Variants in SRRM2 observed in about 807,000 individuals in gnomAD.
SRRM2 encodes the protein serine/arginine repetitive matrix protein 2.
SRRM2 carries 30 observed loss-of-function variants against 213.8 expected under a neutral mutation model. The ratio of observed to expected loss-of-function variants is 0.14; its 90% CI spans 0.10 to 0.19. The LOEUF (loss-of-function observed/expected upper bound fraction) is 0.19, where lower values mean the gene tolerates loss of function less well. SRRM2 is among the 10% of genes least tolerant of loss of function. The pLI is 1.00. For missense variants in SRRM2, 4,904 were observed against 3,647.0 expected, an observed-to-expected ratio of 1.34 and a Z score of -8.88; for synonymous variants, 2,025 against 1,377.7, an observed-to-expected ratio of 1.47 and a Z score of -10.40.
intron 1 of SRRM2, among the ~76,000 whole-genome samples, 166 bp downstream of exon 1, chr16:2,753,012 C>CCGTTCCTGT (rs1378370285): frequency 1.3e-5 from 2 of 149,748 alleles, no homozygotes; most frequent in African/African-American, 4.9e-5. Flanking sequence ...CCCCTTCCCG[C>CCGTTCCTGT]CGTTCCTGTC....
In SRRM2 at chr16:2,766,251, G is replaced by T. The variant is rs1567239444; in HGVS notation, c.5723G>T (p.Arg1908Leu). The part of the protein sequence containing the change: ...RRSRSRTSVT[R>L]RRSRSRASPV... The stretch of plus-strand genomic sequence containing the variant: ...TCAAGGTCCAGGACTTCAGTGACTC[G>T]ACGAAGATCCCGGTCAAGAGCATCC... Residue 1908 changes from arginine to leucine, a missense_variant, in exon 11 of 15, where the codon CGA becomes CTA. Transcript: ENST00000301740. The surrounding 1 kb of genome is among the most constrained non-coding windows in gnomAD (Gnocchi z 7.0). 1.2e-6 allele frequency: 2 copies of T among 1,614,146 alleles called. No individual in the cohort carries two copies. The highest frequency in any genetic ancestry group is 1.3e-5 in the African/African-American group (1 of 75,024).
At chr16:2,759,080 A>G in intron 6 of SRRM2, 33 bp downstream of exon 6, 1 of 1,614,204 alleles carries the variant, frequency 6.2e-7, no homozygotes, top group South Asian at 1.1e-5. Flanking sequence ...TGACTGGAGA[A>G]GGTTTGCTGA....
In SRRM2 at chr16:2,757,871, T is replaced by C. The variant is rs2068201937; in HGVS notation, c.441T>C (p.Asp147=). 1.2e-6 allele frequency: 2 copies of C among 1,614,218 alleles called. No individual in the cohort carries two copies. Among genetic ancestry groups the C allele is most frequent in the Non-Finnish European group, 1.7e-6 (2 of 1,180,036 alleles). ...AAFGISDSYV[D]GSSFDPQRRA... is the part of the protein sequence containing the mutation. ...TTGGCATCAGTGATTCTTACGTAGA[T>C]GGCAGCTCTTTTGATCCTCAGCGTC... The change falls in exon 4 of 15, where the codon GAT becomes GAC. Residue 147 remains aspartate (D), a synonymous_variant. Transcript: ENST00000301740.
Position 2,770,621 on chromosome 16 carries a change from G to C in SRRM2, c.8153G>C (p.Gly2718Ala). ...RDQQSSSSER[G>A]SRRGQRGDSR... ...TGTTGCAGCAGCAGCAGTGAGCGGGGTTCCCGGAGAGGCCAGCGTGGGGAC... is the reference window on the plus strand; with the variant it reads ...TGTTGCAGCAGCAGCAGTGAGCGGGCTTCCCGGAGAGGCCAGCGTGGGGAC... The change falls in exon 14 of 15, where the codon GGT becomes GCT. Residue 2718 changes from glycine to alanine, a missense_variant. Coordinates refer to ENST00000301740, the MANE Select transcript of SRRM2 (RefSeq NM_016333.4). 2 of 1,552,936 alleles carry C rather than the reference G, an allele frequency of 1.3e-6. No homozygotes were observed. The highest frequency in any genetic ancestry group is 1.7e-6 in the Non-Finnish European group (2 of 1,147,932).
chr16:2,766,046 G>A lies in SRRM2; in HGVS notation c.5518G>A (p.Gly1840Ser). The A allele has an allele frequency of 6.2e-7, 1 of 1,614,172 alleles. No homozygotes were observed. The highest frequency in any genetic ancestry group is 2.2e-5 in the East Asian group (1 of 44,878). Residue 1840 changes from glycine (G) to serine (S), a missense_variant, in exon 11 of 15, where the codon GGC (glycine) becomes AGC (serine). Gly to Ser is a moderately conservative substitution (Grantham distance 56). Coordinates refer to ENST00000301740, the MANE Select transcript of SRRM2 (RefSeq NM_016333.4). This position sits in a 1 kb window ranked among gnomAD's most constrained non-coding sequence, Gnocchi z 7.0. ...SSRTSSRRRRGRSRTPPTSRK... is the reference protein window; with the variant it reads ...SSRTSSRRRRSRSRTPPTSRK... ...CCGGACCTCCTCTCGACGCCGAAGA[G>A]GCCGCTCTCGGACACCCCCAACCAG...
Position 2,756,548 on chromosome 16 carries a change from CGCAA to C in SRRM2, c.187_190del (p.Lys63GlyfsTer13). 6.2e-7 allele frequency: 1 copy of C among 1,614,038 alleles called. No homozygotes were observed. Among genetic ancestry groups the C allele is most frequent in the Non-Finnish European group, 8.5e-7 (1 of 1,179,988 alleles). ...TAATCCTGACATCCTGGACCACGAGCGCAAGCGGCGCGTCGAGCTGCGATGCCTC... is the reference window on the plus strand; with the variant it reads ...TAATCCTGACATCCTGGACCACGAGCGCGGCGCGTCGAGCTGCGATGCCTC... On this transcript the variant is annotated frameshift_variant, in exon 2 of 15. Coordinates refer to ENST00000301740, the MANE Select transcript of SRRM2 (RefSeq NM_016333.4). LOFTEE classifies it high-confidence loss of function.
Position 2,766,236 on chromosome 16 carries a change from G to A in SRRM2, c.5708G>A (p.Arg1903Lys), listed in dbSNP as rs988212712. 3 of 1,614,074 alleles carry A rather than the reference G, an allele frequency of 1.9e-6. No homozygotes were observed. The African/African-American group carries it at 4.0e-5, about 22-fold the overall frequency. Reference sequence around the variant, plus strand: ...GTCAGCCGGAGACGGTCAAGGTCCAGGACTTCAGTGACTCGACGAAGATCC... The same window carrying A: ...GTCAGCCGGAGACGGTCAAGGTCCAAGACTTCAGTGACTCGACGAAGATCC... ...SPVSRRRSRSRTSVTRRRSRS... is the reference protein window; with the variant it reads ...SPVSRRRSRSKTSVTRRRSRS... The change falls in exon 11 of 15, where the codon AGG becomes AAG. Residue 1903 changes from arginine to lysine, a missense_variant. Physicochemically the swap from Arg to Lys is conservative, Grantham distance 26. Transcript: ENST00000301740. The surrounding 1 kb of genome is among the most constrained non-coding windows in gnomAD (Gnocchi z 7.0).
At chr16:2,769,400 G>T (rs891433324) in intron 12 of SRRM2, 116 bp downstream of exon 12, 1 of 1,238,878 alleles carries the variant, frequency 8.1e-7, no homozygotes, top group African/African-American at 1.5e-5. Context: ...GCATCTGGTT[G>T]TGGGGGAGGA....
chr16:2,758,318 C>T, intron 4 of SRRM2, 152 bp from the exon 5 acceptor site: 1 of 727,266 alleles, frequency 1.4e-6, no homozygotes, highest in Non-Finnish European at 2.3e-6. Context: ...ACGGTGTGAG[C>T]TGTGTTGCTG....
At position 2,764,720 on chromosome 16, in the gene SRRM2, T is replaced by A. The variant is rs1567235039; in HGVS notation, c.4192T>A (p.Ser1398Thr). ...PDAVEKAGMS[S>T]NQSISSPVLD... ...TGCAGTGGAAAAGGCAGGGATGTCTTCAAATCAGAGCATCTCTTCACCTGT... is the reference window on the plus strand; with the variant it reads ...TGCAGTGGAAAAGGCAGGGATGTCTACAAATCAGAGCATCTCTTCACCTGT... Residue 1398 changes from serine to threonine, a missense_variant, in exon 11 of 15, where the codon TCA (serine) becomes ACA (threonine). Transcript: ENST00000301740. The A allele has an allele frequency of 6.2e-7, 1 of 1,614,000 alleles. No homozygotes were observed. The highest frequency in any genetic ancestry group is 8.5e-7 in the Non-Finnish European group (1 of 1,180,032).
Position 2,759,058 on chromosome 16 carries a change from G to A in SRRM2, c.656+11G>A. 1 of 1,614,168 alleles carries A rather than the reference G, an allele frequency of 6.2e-7. No individual in the cohort carries two copies. Among genetic ancestry groups the A allele is most frequent in the Admixed American group, 1.7e-5 (1 of 60,026 alleles). On this transcript the variant is annotated intron_variant, in intron 6 of 14. Transcript: ENST00000301740. ...GAAGAAGAAGCACAGGTATGAGGTG[G>A]GAATACTTGAATGACTGGAGAAGGT...
At position 2,758,710 on chromosome 16, in the gene SRRM2, C is replaced by T. The variant is rs889969501; in HGVS notation, c.593+163C>T. The T allele has an allele frequency of 8.3e-5, 58 of 700,214 alleles. No homozygotes were observed. In the Middle Eastern group the frequency reaches 8.4e-4, roughly 10 times the overall value. 43.4% of individuals were successfully genotyped at this position (700,214 alleles called of 1,614,324 possible). On this transcript the variant is annotated intron_variant, in intron 5 of 14. Coordinates refer to ENST00000301740, the MANE Select transcript of SRRM2 (RefSeq NM_016333.4). ...AACTAGAAGAAATACCTGAGTTTCT[C>T]AGTGGGGAAGTGTTGAGTTTGCAGT... is the stretch of plus-strand genomic sequence containing the variant.
At chr16:2,758,885 C>T (rs1452796875) in intron 5 of SRRM2, 100 bp from the exon 6 acceptor site, 1 of 1,308,228 alleles carries the variant, frequency 7.6e-7, no homozygotes, top group African/African-American at 1.5e-5. Context: ...GCTATTAGGA[C>T]ATTCAAGTGT....
intron 10 of SRRM2, chr16:2,760,747 G>C (rs1179071952): frequency 2.1e-6 from 1 of 474,848 alleles, no homozygotes; most frequent in African/African-American, 2.0e-5. Context: ...TTTATACATA[G>C]ATAGAACTGG....
At chr16:2,758,398 CTCTG>C (rs1397920588) in intron 4 of SRRM2, 68 bp from the exon 5 acceptor site, 16 of 1,306,208 alleles carry the variant, frequency 1.2e-5, no homozygotes, top group Non-Finnish European at 1.8e-5. Flanking sequence ...TTTTTTTAGA[CTCTG>C]TCTTTTAAAG....
rs779669829 is a variant in SRRM2 at position 2,761,800 on chromosome 16, C to T, written c.1272C>T (p.Ser424=). The change falls in exon 11 of 15, where the codon TCC becomes TCT. Residue 424 remains serine, a synonymous_variant. Coordinates refer to ENST00000301740, the MANE Select transcript of SRRM2 (RefSeq NM_016333.4). ...CTTCCTCAGAGAGCAGCCCACCATC[C>T]CCTCAACCTACCAAAGTTTCTCGGC... ...QSSSSESSPP[S]PQPTKVSRHA... 1.1e-5 allele frequency: 18 copies of T among 1,613,926 alleles called. No homozygotes were observed. The South Asian group carries it at 1.2e-4, about 11-fold the overall frequency.
chr16:2,768,890 C>T (rs772510394), intron 11 of SRRM2, 107 bp from the exon 12 acceptor site: 72 of 1,555,000 alleles, frequency 4.6e-5, no homozygotes, highest in Admixed American at 7.8e-5. Flanking sequence ...GAGCTCCCAG[C>T]GCCTTTCTCA....
rs754083305 is a variant in SRRM2 at position 2,766,640 on chromosome 16, C to T, written c.6112C>T (p.Pro2038Ser). The change falls in exon 11 of 15, where the codon CCA (proline) becomes TCA (serine). Residue 2038 changes from proline (P) to serine (S), a missense_variant. Transcript: ENST00000301740. The surrounding 1 kb of genome is among the most constrained non-coding windows in gnomAD (Gnocchi z 7.0). ...RRSRSRTPLLPRKRSRSRSPL... is the reference protein window; with the variant it reads ...RRSRSRTPLLSRKRSRSRSPL... ...CTCTAGATCTCGAACGCCACTGTTA[C>T]CACGCAAACGTTCTCGAAGTCGCTC... The T allele has an allele frequency of 5.0e-6, 8 of 1,613,510 alleles. No individual in the cohort carries two copies. The Admixed American group carries it at 8.3e-5, about 17-fold the overall frequency.
chr16:2,764,115 C>T lies in SRRM2; in HGVS notation c.3587C>T (p.Pro1196Leu), dbSNP rs771987077. Reference protein sequence around the residue: ...KFSPFPVQDRPESSLVFKDTL... With the variant: ...KFSPFPVQDRLESSLVFKDTL... The stretch of plus-strand genomic sequence containing the variant: ...AGTCCCTTTCCAGTACAGGATAGGC[C>T]TGAGTCTTCACTGGTATTCAAAGAC... Residue 1196 changes from proline (P) to leucine (L), a missense_variant, in exon 11 of 15, where the codon CCT becomes CTT. Transcript: ENST00000301740. The T allele has an allele frequency of 1.2e-6, 2 of 1,614,134 alleles. No homozygotes were observed. The highest frequency in any genetic ancestry group is 8.5e-7 in the Non-Finnish European group (1 of 1,180,044).
Sources: gnomAD v4.1 joint callset for allele counts (sites outside exome capture counted in the v4.1 genomes callset) on GRCh38, gnomAD v4.1.1 for gene constraint, Gnocchi (gnomAD v3.1) non-coding constraint, MANE v1.5 for transcripts, NCBI Gene and HGNC (gene_info 2026-07-23, HGNC 2026-07-21) for gene names.